The following CAMK4 variants were observed in gnomAD, a reference collection of about 807,000 sequenced individuals.
The protein encoded by CAMK4 is calcium/calmodulin dependent protein kinase IV.
Under a neutral mutation model 44.9 loss-of-function variants are expected in CAMK4, and 22 were observed. The ratio of observed to expected loss-of-function variants is 0.49; its 90% confidence interval spans 0.35 to 0.70. The LOEUF (loss-of-function observed/expected upper bound fraction) is 0.70. Among genes scored for constraint, CAMK4 ranks in the 30% least tolerant of loss-of-function variants. The pLI is 0.01. For missense variants in CAMK4, 498 were observed against 586.8 expected, an observed-to-expected ratio of 0.85 and a Z score of 1.56; for synonymous variants, 218 against 215.4, an observed-to-expected ratio of 1.01 and a Z score of -0.11.
In CAMK4 at chr5:111,313,128, T is replaced by C. The variant is rs1259836599; in HGVS notation, c.162-30896T>C. On this transcript the variant is annotated intron_variant, in intron 1 of 10. Coordinates refer to ENST00000282356, the MANE Select transcript of CAMK4 (RefSeq NM_001744.6). ...TCTCAAACTCAGCACTGCTCGCATT[T>C]TGGAGCAATAATTCTTTGCTCTGCA... 2.0e-5 allele frequency among the ~76,000 whole-genome samples: 3 copies of C among 152,068 alleles called. 1 individual carries two copies. Among genetic ancestry groups the C allele is most frequent in the African/African-American group, 4.8e-5 (2 of 41,412 alleles).
chr5:111,315,725 C>T (rs1486365050), intron 1 of CAMK4, among the ~76,000 whole-genome samples: 1 of 152,048 alleles, frequency 6.6e-6, no homozygotes. Flanking sequence ...TTGGAAAAAG[C>T]GATTTTCTGT....
At chr5:111,359,025 C>T (rs191319292) in intron 2 of CAMK4, among the ~76,000 whole-genome samples, 233 of 152,246 alleles carry the variant, frequency 1.5e-3, no homozygotes, top group African/African-American at 5.4e-3. Flanking sequence ...GTGAACAGTG[C>T]TGCAGTGAAC....
At chr5:111,280,305 A>G (rs1047090625) in intron 1 of CAMK4, among the ~76,000 whole-genome samples, 1 of 152,232 alleles carries the variant, frequency 6.6e-6, no homozygotes, top group Non-Finnish European at 1.5e-5. Context: ...AGATTTTTAT[A>G]TAAAGAACAT....
At chr5:111,403,420 A>T (rs1752302720) in intron 5 of CAMK4, among the ~76,000 whole-genome samples, 1 of 152,056 alleles carries the variant, frequency 6.6e-6, no homozygotes, top group Admixed American at 6.6e-5. Context: ...TTCTCTGGAG[A>T]CTTTTGTTTC....
At chr5:111,479,156 GA>G (rs1365069191) in intron 9 of CAMK4, among the ~76,000 whole-genome samples, 1 of 152,180 alleles carries the variant, frequency 6.6e-6, no homozygotes, top group African/African-American at 2.4e-5. Flanking sequence ...TGGGATTACA[GA>G]TGTGAGCCAC....
intron 1 of CAMK4, among the ~76,000 whole-genome samples, chr5:111,297,234 C>G (rs1040743996): frequency 1.3e-5 from 2 of 152,180 alleles, no homozygotes; most frequent in African/African-American, 2.4e-5. Context: ...ACTTTGAAAT[C>G]CAATGGAAAA....
chr5:111,283,078 A>G (rs1751088555), intron 1 of CAMK4: 2 of 152,230 alleles, frequency 1.3e-5, no homozygotes, highest in African/African-American at 4.8e-5. Flanking sequence ...TACAGTCTCT[A>G]CCTAAGGTGT....
chr5:111,465,672 G>A (rs1754802515), intron 7 of CAMK4, among the ~76,000 whole-genome samples: 1 of 152,120 alleles, frequency 6.6e-6, no homozygotes, highest in South Asian at 2.1e-4. Context: ...TAGAAACTCT[G>A]AACAGACCAA....
chr5:111,454,873 A>C (rs1754364417), intron 7 of CAMK4, among the ~76,000 whole-genome samples: 1 of 150,984 alleles, frequency 6.6e-6, no homozygotes, highest in Admixed American at 6.6e-5. Flanking sequence ...AAAAAAAATT[A>C]TATCTAATAC....
chr5:111,288,352 G>C (rs1751318373), intron 1 of CAMK4, among the ~76,000 whole-genome samples: 1 of 152,094 alleles, frequency 6.6e-6, no homozygotes, highest in South Asian at 2.1e-4. Flanking sequence ...TGCTCATAGG[G>C]ATGCATATTT....
At chr5:111,424,358 G>C (rs957900019) in intron 5 of CAMK4, among the ~76,000 whole-genome samples, 17 of 148,786 alleles carry the variant, frequency 1.1e-4, no homozygotes, top group African/African-American at 4.2e-4. Flanking sequence ...TAGTGAAAGA[G>C]AATCACATTA....
intron 1 of CAMK4, among the ~76,000 whole-genome samples, chr5:111,317,304 A>C (rs907854574): frequency 1.3e-5 from 2 of 152,138 alleles, no homozygotes; most frequent in Non-Finnish European, 2.9e-5. Flanking sequence ...TAAGGCAACC[A>C]TTTGTTCCTA....
chr5:111,332,386 A>G (rs958434682), intron 1 of CAMK4, among the ~76,000 whole-genome samples: 1 of 151,354 alleles, frequency 6.6e-6, no homozygotes, highest in Non-Finnish European at 1.5e-5. Context: ...AATTTCATCC[A>G]TGTCCCTGCA....
chr5:111,375,033 G>T, intron 3 of CAMK4, 121 bp downstream of exon 3: 1 of 688,932 alleles, frequency 1.5e-6, no homozygotes. Context: ...GCTACTATGT[G>T]CTAGCTCTTG....
chr5:111,450,165 AT>A lies in CAMK4; in HGVS notation c.625+963del, dbSNP rs571165418. ...AAAACCCTATCTCTACTAAAAAAAA[AT>A]AAATAAAATAAAAATTAGCCAGGTA... On this transcript the variant is annotated intron_variant, in intron 7 of 10. Coordinates refer to ENST00000282356, the MANE Select transcript of CAMK4 (RefSeq NM_001744.6). Among the ~76,000 whole-genome samples, 781 of 152,088 alleles carry A rather than the reference AT, an allele frequency of 5.1e-3. 9 individuals carry two copies. Among genetic ancestry groups the A allele is most frequent in the African/African-American group, 0.017 (720 of 41,470 alleles).
chr5:111,352,973 G>T (rs1229318746), intron 2 of CAMK4, among the ~76,000 whole-genome samples: 1 of 152,022 alleles, frequency 6.6e-6, no homozygotes, highest in Non-Finnish European at 1.5e-5. Flanking sequence ...ATGGATGGGA[G>T]TGCAAAATTG....
intron 2 of CAMK4, among the ~76,000 whole-genome samples, chr5:111,354,984 T>C (rs1750274318): frequency 1.3e-5 from 2 of 152,154 alleles, no homozygotes; most frequent in Non-Finnish European, 2.9e-5. Context: ...TGGTTCAATC[T>C]GGATGAAAGA....
intron 1 of CAMK4, among the ~76,000 whole-genome samples, chr5:111,338,698 C>A (rs1749512211): frequency 6.6e-6 from 1 of 151,352 alleles, no homozygotes; most frequent in African/African-American, 2.4e-5. Flanking sequence ...GCTATCCTAG[C>A]ACCATTTATT....
Position 111,334,176 on chromosome 5 carries a change from T to C in CAMK4, c.162-9848T>C, listed in dbSNP as rs1056047652. Among the ~76,000 whole-genome samples, 4 of 151,704 alleles carry C rather than the reference T, an allele frequency of 2.6e-5. No individual in the cohort carries two copies. The South Asian group carries it at 8.3e-4, about 31-fold the overall frequency. ...TTTGAGATTTATTTTAGGAGTGTAA[T>C]ATTTAACTGACTTGGGAAACCTCCA... On this transcript the variant is annotated intron_variant, in intron 1 of 10. Transcript: ENST00000282356.
Sources: gnomAD v4.1 joint callset for allele counts (sites outside exome capture counted in the v4.1 genomes callset) on GRCh38, gnomAD v4.1.1 for gene constraint, MANE v1.5 for transcripts, NCBI Gene and HGNC (gene_info 2026-07-23, HGNC 2026-07-21) for gene names.